Variants in MAGI2 observed in about 807,000 individuals in gnomAD.
MAGI2 encodes membrane associated guanylate kinase, WW and PDZ domain containing 2.
MAGI2 carries 35 observed loss-of-function variants against 133.3 expected under a neutral mutation model. The ratio of observed to expected loss-of-function variants is 0.26; its 90% CI spans 0.20 to 0.35. The LOEUF is 0.35. Among genes scored for constraint, MAGI2 ranks in the 10% least tolerant of loss-of-function variants. The probability of loss-of-function intolerance (pLI) is 1.00; values close to 1 mark genes in which losing one functional copy is unlikely to be tolerated. For synonymous variants in MAGI2, 729 were observed against 710.6 expected (o/e 1.03, Z -0.41); for missense variants, 1,636 against 1,863.4 (o/e 0.88, Z 2.25).
intron 2 of MAGI2, among the ~76,000 whole-genome samples, chr7:78,699,320 C>T (rs1817830657): frequency 6.6e-6 from 1 of 152,144 alleles, no homozygotes; most frequent in South Asian, 2.1e-4. Flanking sequence ...AAGCTGGTCT[C>T]GAACTCTTGG....
chr7:78,368,482 C>T (rs374855411), intron 7 of MAGI2, among the ~76,000 whole-genome samples: 9 of 152,176 alleles, frequency 5.9e-5, no homozygotes, highest in Admixed American at 2.6e-4. Context: ...GAAAAACAAT[C>T]GTCTGTTTGG....
At chr7:78,480,369 A>T (rs946994643) in intron 6 of MAGI2, among the ~76,000 whole-genome samples, 3 of 151,902 alleles carry the variant, frequency 2.0e-5, no homozygotes, top group Non-Finnish European at 4.4e-5. Flanking sequence ...AAAACCAGAT[A>T]AAGACAGTAC....
At chr7:78,320,256 T>G (rs1311573519) in intron 9 of MAGI2, among the ~76,000 whole-genome samples, 3 of 152,048 alleles carry the variant, frequency 2.0e-5, no homozygotes, top group African/African-American at 7.2e-5. Flanking sequence ...AAGGAATCCT[T>G]CTTTACTCAT....
intron 1 of MAGI2, among the ~76,000 whole-genome samples, chr7:79,214,407 C>CTATATATATATATATA (rs1196193501): frequency 1.7e-4 from 3 of 17,718 alleles, no homozygotes; most frequent in South Asian, 3.7e-3. Flanking sequence ...CTCTCTCTCT[C>CTATATATATATATATA]TATATATATA....
chr7:78,483,317 T>G (rs2192647), intron 6 of MAGI2, among the ~76,000 whole-genome samples: 61,985 of 151,342 alleles, frequency 0.41, 13,527 homozygotes, highest in East Asian at 0.68. Context: ...GAAATGATAA[T>G]ATACAATTCA....
chr7:78,029,396 G>T (rs1584881541), intron 21 of MAGI2, among the ~76,000 whole-genome samples: 1 of 152,326 alleles, frequency 6.6e-6, no homozygotes. Context: ...ATGATGCTTG[G>T]AGACCTTCTT....
At chr7:78,941,267 C>A (rs1286600902) in intron 2 of MAGI2, among the ~76,000 whole-genome samples, 1 of 152,182 alleles carries the variant, frequency 6.6e-6, no homozygotes, top group East Asian at 1.9e-4. Context: ...TTTCTGTTGG[C>A]TCCTTCTGCC....
intron 1 of MAGI2, among the ~76,000 whole-genome samples, chr7:79,269,478 T>A (rs1487610942): frequency 6.6e-6 from 1 of 152,136 alleles, no homozygotes; most frequent in Non-Finnish European, 1.5e-5. Context: ...AAGTGCTCAA[T>A]GTTTGGAAAA....
At chr7:79,184,279 A>G (rs1479208617) in intron 1 of MAGI2, among the ~76,000 whole-genome samples, 4 of 151,574 alleles carry the variant, frequency 2.6e-5, no homozygotes, top group African/African-American at 7.3e-5. Flanking sequence ...TTATTGGTCA[A>G]TTAAAAATAA....
chr7:79,151,215 C>G (rs1409440192), intron 1 of MAGI2, among the ~76,000 whole-genome samples: 1 of 152,042 alleles, frequency 6.6e-6, no homozygotes, highest in Non-Finnish European at 1.5e-5. Flanking sequence ...TATTACATAA[C>G]TTTTTGGAAT....
rs1226195029 is a variant in MAGI2 at position 79,001,278 on chromosome 7, G to A, written c.418+5812C>T. Among the ~76,000 whole-genome samples the A allele has an allele frequency of 2.6e-5, 4 of 152,120 alleles. No homozygotes were observed. In the East Asian group the frequency reaches 7.7e-4, roughly 29 times the overall value. On this transcript the variant is annotated intron_variant, in intron 2 of 21. Coordinates refer to ENST00000354212, the MANE Select transcript of MAGI2 (RefSeq NM_012301.4). ...TTTTGTTGATTTTTGTCTTTTACTT[G>A]GTATACACTGGTATTTGTTCTGGCT...
intron 2 of MAGI2, among the ~76,000 whole-genome samples, chr7:78,943,436 G>A (rs1344564700): frequency 1.3e-5 from 2 of 152,138 alleles, no homozygotes; most frequent in Non-Finnish European, 2.9e-5. Context: ...GCCTAAGGAT[G>A]CGGTACTAAT....
chr7:78,536,473 C>T (rs1458559158), intron 3 of MAGI2, among the ~76,000 whole-genome samples: 1 of 152,092 alleles, frequency 6.6e-6, no homozygotes, highest in Middle Eastern at 3.4e-3. Flanking sequence ...GAGCCCCGGG[C>T]AAGGAGAACC....
At chr7:79,416,027 A>C (rs1359763249) in intron 1 of MAGI2, among the ~76,000 whole-genome samples, 3 of 152,186 alleles carry the variant, frequency 2.0e-5, no homozygotes, top group African/African-American at 7.2e-5. Flanking sequence ...CCTAATAATG[A>C]GTAGAAAACT....
At chr7:79,245,243 A>T (rs1348248134) in intron 1 of MAGI2, among the ~76,000 whole-genome samples, 1 of 152,190 alleles carries the variant, frequency 6.6e-6, no homozygotes, top group Non-Finnish European at 1.5e-5. Context: ...GTTTGAGAAA[A>T]AAAGAAGGAA....
intron 2 of MAGI2, among the ~76,000 whole-genome samples, chr7:78,824,057 G>A (rs1291301434): frequency 6.6e-6 from 1 of 152,114 alleles, no homozygotes; most frequent in Non-Finnish European, 1.5e-5. Flanking sequence ...AAAATGTAAT[G>A]TCCAATAAGG....
chr7:78,523,808 G>T (rs1042071244), intron 3 of MAGI2, among the ~76,000 whole-genome samples: 7 of 152,088 alleles, frequency 4.6e-5, no homozygotes, highest in Non-Finnish European at 7.4e-5. Context: ...GGATTATGGG[G>T]ATTACAATTC....
chr7:79,009,326 T>C (rs549971394), intron 1 of MAGI2, among the ~76,000 whole-genome samples: 95 of 152,288 alleles, frequency 6.2e-4, no homozygotes, highest in South Asian at 6.2e-3. Flanking sequence ...ACTGTATCTT[T>C]TTTTTCATAG....
chr7:78,957,933 C>A (rs1236042357), intron 2 of MAGI2, among the ~76,000 whole-genome samples: 1 of 152,166 alleles, frequency 6.6e-6, no homozygotes, highest in South Asian at 2.1e-4. Flanking sequence ...ACACTACATG[C>A]AAAAATTAGT....
Sources: allele counts gnomAD v4.1 joint callset (sites outside exome capture counted in the v4.1 genomes callset), GRCh38; gene constraint gnomAD v4.1.1; transcripts MANE v1.5; gene names NCBI Gene and HGNC (gene_info 2026-07-23, HGNC 2026-07-21).